Variants in SEPTIN9 observed in about 807,000 individuals in gnomAD.
SEPTIN9 encodes the protein septin 9, also known as septin-9.
SEPTIN9 carries 13 observed loss-of-function variants against 56.6 expected under a neutral mutation model. The ratio of observed to expected loss-of-function variants is 0.23; its 90% CI spans 0.15 to 0.37. The LOEUF is 0.37. Among genes scored for constraint, SEPTIN9 ranks in the 10% least tolerant of loss-of-function variants. The probability of loss-of-function intolerance (pLI) is 1.00; values close to 1 mark genes in which losing one functional copy is unlikely to be tolerated. For missense variants in SEPTIN9, 650 were observed against 823.1 expected (o/e 0.79, Z 2.57); for synonymous variants, 332 against 334.1 (o/e 0.99, Z 0.07).
intron 2 of SEPTIN9, among the ~76,000 whole-genome samples, chr17:77,343,749 T>C (rs973760464): frequency 6.6e-6 from 1 of 152,120 alleles, no homozygotes; most frequent in East Asian, 1.9e-4. Flanking sequence ...GGACACCCAG[T>C]TGGGGACTGC....
At position 77,429,418 on chromosome 17, in the gene SEPTIN9, G is replaced by A. The variant is rs896953934; in HGVS notation, c.721+26715G>A. On this transcript the variant is annotated intron_variant, in intron 3 of 11. Transcript: ENST00000427177. The surrounding 1 kb of genome is among the most constrained non-coding windows in gnomAD (Gnocchi z 5.2). ...CCGCCTGGGCTACAGCGTGCTCGCCGATTGCATTTGGGGAGGGACTGAGGG... is the reference window on the plus strand; with the variant it reads ...CCGCCTGGGCTACAGCGTGCTCGCCAATTGCATTTGGGGAGGGACTGAGGG... 1.2e-5 allele frequency: 5 copies of A among 401,390 alleles called. No individual in the cohort carries two copies. Among genetic ancestry groups the A allele is most frequent in the East Asian group, 7.3e-5 (1 of 13,758 alleles). The allele number at this position is 401,390 out of a possible 1,614,324, so 24.9% of individuals were successfully genotyped here. A position where few individuals can be genotyped will look rare whatever the true frequency, so the allele number is the denominator to read the frequency against.
chr17:77,303,725 A>T (rs2032155452), intron 1 of SEPTIN9, among the ~76,000 whole-genome samples: 1 of 151,832 alleles, frequency 6.6e-6, no homozygotes, highest in Non-Finnish European at 1.5e-5. Context: ...TCACTTATTG[A>T]GTTTTAATTT....
At chr17:77,359,974 GGCCAACA>G (rs113563551) in intron 2 of SEPTIN9, among the ~76,000 whole-genome samples, 208 of 152,054 alleles carry the variant, frequency 1.4e-3, no homozygotes, top group African/African-American at 4.7e-3. Context: ...AGACTAGCCT[GGCCAACA>G]GCCCCATCTG....
Position 77,451,964 on chromosome 17 carries a change from C to T in SEPTIN9, c.722-30180C>T, listed in dbSNP as rs1474664820. On this transcript the variant is annotated intron_variant, in intron 3 of 11. Transcript: ENST00000427177. The surrounding 1 kb of genome is among the most constrained non-coding windows in gnomAD (Gnocchi z 4.2). ...GCTCAAGTTATCACCCCTCTGGGCT[C>T]CCGAAGACCGGCTGGCTGGAGGCTG... Among the ~76,000 whole-genome samples, 5 of 152,216 alleles carry T rather than the reference C, an allele frequency of 3.3e-5. No homozygotes were observed. The highest frequency in any genetic ancestry group is 6.5e-5 in the Admixed American group (1 of 15,284).
At chr17:77,373,579 C>CGCCAGCT in intron 2 of SEPTIN9, 2 of 1,541,288 alleles carry the variant, frequency 1.3e-6, no homozygotes, top group Non-Finnish European at 1.8e-6. Flanking sequence ...CTGCTGCGGC[C>CGCCAGCT]GCGGACGTGC....
chr17:77,489,793 G>A (rs406147), intron 7 of SEPTIN9, among the ~76,000 whole-genome samples: 55,432 of 152,154 alleles, frequency 0.36, 10,523 homozygotes, highest in Middle Eastern at 0.57. Flanking sequence ...CTGTGGGCCA[G>A]CAGGAGTCAG....
chr17:77,316,870 C>T (rs1268051283), intron 2 of SEPTIN9, among the ~76,000 whole-genome samples: 2 of 152,106 alleles, frequency 1.3e-5, no homozygotes, highest in African/African-American at 4.8e-5. Flanking sequence ...CCTTGCCCAG[C>T]TGGGGTTTCT....
intron 3 of SEPTIN9, among the ~76,000 whole-genome samples, chr17:77,431,036 G>A (rs1419636595): frequency 6.6e-6 from 1 of 151,848 alleles, no homozygotes; most frequent in East Asian, 1.9e-4. Flanking sequence ...AGAAGCATCT[G>A]TCTTCCTGAT....
At chr17:77,288,100 C>T in intron 1 of SEPTIN9, 1 of 1,063,910 alleles carries the variant, frequency 9.4e-7, no homozygotes, top group Non-Finnish European at 1.1e-6. Flanking sequence ...CTTTGGAGCG[C>T]TGGACTCTCT....
chr17:77,373,352 C>G (rs1224339421), intron 2 of SEPTIN9: 1 of 1,189,964 alleles, frequency 8.4e-7, no homozygotes, highest in Non-Finnish European at 1.0e-6. Flanking sequence ...TTCAGCTGAG[C>G]CAGGGGGCCT....
At chr17:77,386,144 C>T (rs1179356921) in intron 2 of SEPTIN9, among the ~76,000 whole-genome samples, 1 of 152,174 alleles carries the variant, frequency 6.6e-6, no homozygotes, top group Non-Finnish European at 1.5e-5. Flanking sequence ...AGCAGCCATG[C>T]TGGGGATAAC....
chr17:77,310,299 C>T lies in SEPTIN9; in HGVS notation c.76+3102C>T, dbSNP rs141908399. Among the ~76,000 whole-genome samples, 3 of 152,230 alleles carry T rather than the reference C, an allele frequency of 2.0e-5. No individual in the cohort carries two copies. The highest frequency in any genetic ancestry group is 3.4e-3 in the Middle Eastern group (1 of 294). On this transcript the variant is annotated intron_variant, in intron 2 of 11. Coordinates refer to ENST00000427177, the MANE Select transcript of SEPTIN9 (RefSeq NM_001113491.2). The surrounding 1 kb of genome is among the most constrained non-coding windows in gnomAD (Gnocchi z 4.7). ...ATCCGGCCTGGTCTCCTCTTGCATA[C>T]GGTCATCAGCATCGTGTGACTGAGC...
chr17:77,460,024 G>A (rs1018720460), intron 3 of SEPTIN9, among the ~76,000 whole-genome samples: 4 of 152,078 alleles, frequency 2.6e-5, no homozygotes, highest in African/African-American at 7.2e-5. Context: ...TGACCGTGGG[G>A]AGGGCACCAA....
rs915869930 is a variant in SEPTIN9, at chr17:77,330,718, G to A, written c.76+23521G>A. On this transcript the variant is annotated intron_variant, in intron 2 of 11. Transcript: ENST00000427177. This position sits in a 1 kb window ranked among gnomAD's most constrained non-coding sequence, Gnocchi z 4.4. ...AGAGAGCACATGGCTTGACCATCAC[G>A]GGGACTGGGGGAGAGGCACAGGCAT... Among the ~76,000 whole-genome samples, 6 of 152,236 alleles carry A rather than the reference G, an allele frequency of 3.9e-5. No individual in the cohort carries two copies. The highest frequency in any genetic ancestry group is 1.2e-4 in the African/African-American group (5 of 41,468).
intron 2 of SEPTIN9, among the ~76,000 whole-genome samples, chr17:77,385,124 G>C (rs2035287112): frequency 6.6e-6 from 1 of 151,708 alleles, no homozygotes; most frequent in African/African-American, 2.4e-5. Flanking sequence ...TTAAGCCCAG[G>C]AGTTTGAGAC....
In SEPTIN9 at chr17:77,327,898, T is replaced by C. The variant is rs1431635919; in HGVS notation, c.76+20701T>C. Among the ~76,000 whole-genome samples, 2 of 151,966 alleles carry C rather than the reference T, an allele frequency of 1.3e-5. No individual in the cohort carries two copies. The highest frequency in any genetic ancestry group is 6.6e-5 in the Admixed American group (1 of 15,264). Reference sequence around the variant, plus strand: ...AGACGGGTGTGATGGGGCTGCGGGGTTTCAGGTGGCAGGAGGCGTCCCCGT... The same window carrying C: ...AGACGGGTGTGATGGGGCTGCGGGGCTTCAGGTGGCAGGAGGCGTCCCCGT... On this transcript the variant is annotated intron_variant, in intron 2 of 11. Coordinates refer to ENST00000427177, the MANE Select transcript of SEPTIN9 (RefSeq NM_001113491.2). This position sits in a 1 kb window ranked among gnomAD's most constrained non-coding sequence, Gnocchi z 5.0.
chr17:77,451,679 G>C lies in SEPTIN9; in HGVS notation c.722-30465G>C, dbSNP rs1598396336. Reference sequence around the variant, plus strand: ...CCCGGCCCGAGGCCGGCAGGACCGAGCGGGGTCCCCAGGAGAGGGGTGGCG... The same window carrying C: ...CCCGGCCCGAGGCCGGCAGGACCGACCGGGGTCCCCAGGAGAGGGGTGGCG... On this transcript the variant is annotated intron_variant, in intron 3 of 11. Transcript: ENST00000427177. The surrounding 1 kb of genome is among the most constrained non-coding windows in gnomAD (Gnocchi z 4.2). Among the ~76,000 whole-genome samples, 1 of 152,236 alleles carries C rather than the reference G, an allele frequency of 6.6e-6. No individual in the cohort carries two copies. Among genetic ancestry groups the C allele is most frequent in the East Asian group, 1.9e-4 (1 of 5,188 alleles).
chr17:77,480,946 C>A (rs1027261107), intron 3 of SEPTIN9, among the ~76,000 whole-genome samples: 1 of 152,192 alleles, frequency 6.6e-6, no homozygotes, highest in East Asian at 1.9e-4. Context: ...AAGGGCAGCT[C>A]CAGCCTGTGG....
intron 1 of SEPTIN9, among the ~76,000 whole-genome samples, chr17:77,296,027 C>G (rs921380698): frequency 6.6e-6 from 1 of 152,160 alleles, no homozygotes; most frequent in African/African-American, 2.4e-5. Context: ...AGGGCAGGAC[C>G]CTAATCTAAT....
Sources: gnomAD v4.1 joint callset for allele counts (sites outside exome capture counted in the v4.1 genomes callset) on GRCh38, gnomAD v4.1.1 for gene constraint, Gnocchi (gnomAD v3.1) non-coding constraint, MANE v1.5 for transcripts, NCBI Gene and HGNC (gene_info 2026-07-23, HGNC 2026-07-21) for gene names.